The following PHF14 variants were observed in gnomAD, a reference collection of about 807,000 sequenced individuals.
PHF14 encodes PHD finger protein 14.
In PHF14, 55 loss-of-function variants were observed where a neutral mutation model predicts 117.9. The observed-to-expected ratio is 0.47, with a 90% CI of 0.38 to 0.58. The LOEUF (loss-of-function observed/expected upper bound fraction) is 0.58, where lower values mean the gene tolerates loss of function less well. Among genes scored for constraint, PHF14 ranks in the 20% least tolerant of loss-of-function variants. PHF14 has a pLI of 0.00. For missense variants in PHF14, 978 were observed against 1,122.2 expected (o/e 0.87, Z 1.84); for synonymous variants, 409 against 368.6 (o/e 1.11, Z -1.26).
chr7:10,997,798 T>C (rs1782712971), intron 4 of PHF14, among the ~76,000 whole-genome samples: 1 of 152,184 alleles, frequency 6.6e-6, no homozygotes, highest in African/African-American at 2.4e-5. Context: ...GAGTAAGTGA[T>C]CAAAGAGAGA....
intron 17 of PHF14, among the ~76,000 whole-genome samples, chr7:11,151,351 T>A (rs889587511): frequency 6.6e-6 from 1 of 151,778 alleles, no homozygotes; most frequent in South Asian, 2.1e-4. Flanking sequence ...AGGCCAGGAG[T>A]TTGAGACCAG....
intron 14 of PHF14, among the ~76,000 whole-genome samples, chr7:11,053,446 T>C (rs1485078465): frequency 1.3e-5 from 2 of 152,080 alleles, no homozygotes; most frequent in South Asian, 4.1e-4. Context: ...ATAAGGGAAC[T>C]AGAGAGACTT....
At chr7:11,006,174 C>G (rs1346243921) in intron 4 of PHF14, among the ~76,000 whole-genome samples, 1 of 152,162 alleles carries the variant, frequency 6.6e-6, no homozygotes, top group Non-Finnish European at 1.5e-5. Context: ...AATGCACAAA[C>G]TACTTGATAA....
chr7:11,050,348 GA>G (rs1283412557), intron 13 of PHF14, among the ~76,000 whole-genome samples: 1 of 152,056 alleles, frequency 6.6e-6, no homozygotes, highest in African/African-American at 2.4e-5. Flanking sequence ...TTTATTAAGA[GA>G]ATACTATCAA....
At chr7:10,991,116 G>A (rs1583336523) in intron 4 of PHF14, among the ~76,000 whole-genome samples, 2 of 151,094 alleles carry the variant, frequency 1.3e-5, no homozygotes, top group African/African-American at 4.9e-5. Flanking sequence ...TCAGCCTCCT[G>A]GGTAGCTGGG....
At chr7:11,028,950 C>A in intron 7 of PHF14, 132 bp downstream of exon 7, 4 of 741,860 alleles carry the variant, frequency 5.4e-6, no homozygotes, top group Non-Finnish European at 6.2e-6. Flanking sequence ...GATCACTGTT[C>A]TAAAACTTTA....
At chr7:11,081,306 C>T (rs1212711427) in intron 16 of PHF14, among the ~76,000 whole-genome samples, 1 of 152,148 alleles carries the variant, frequency 6.6e-6, no homozygotes, top group African/African-American at 2.4e-5. Flanking sequence ...TGTAAAGTAA[C>T]AGCACTTGGA....
At chr7:11,075,537 T>C (rs540225346) in intron 16 of PHF14, among the ~76,000 whole-genome samples, 1 of 146,822 alleles carries the variant, frequency 6.8e-6, no homozygotes, top group African/African-American at 2.5e-5. Context: ...TAACAAGAAC[T>C]CACTCATTCC....
At chr7:11,165,383 T>C (rs1225816339) in intron 17 of PHF14, among the ~76,000 whole-genome samples, 1 of 152,172 alleles carries the variant, frequency 6.6e-6, no homozygotes, top group African/African-American at 2.4e-5. Flanking sequence ...ATATATATTA[T>C]TGGTGATATT....
At chr7:11,102,406 A>C (rs1352493452) in intron 16 of PHF14, 1 of 1,489,030 alleles carries the variant, frequency 6.7e-7, no homozygotes, top group African/African-American at 1.4e-5. Flanking sequence ...GTGGTTTGTT[A>C]GTATGTTTCA....
At chr7:11,139,787 A>C (rs1291717978) in intron 17 of PHF14, among the ~76,000 whole-genome samples, 1 of 152,196 alleles carries the variant, frequency 6.6e-6, no homozygotes, top group Admixed American at 6.5e-5. Context: ...TACAAAAAGT[A>C]AAAAGGTAAA....
intron 3 of PHF14, among the ~76,000 whole-genome samples, chr7:10,989,629 T>A (rs1412436759): frequency 6.6e-6 from 1 of 152,170 alleles, no homozygotes; most frequent in East Asian, 1.9e-4. Context: ...TTAATACGTC[T>A]TCCTATACTT....
intron 17 of PHF14, among the ~76,000 whole-genome samples, chr7:11,165,935 T>C (rs1208066731): frequency 6.6e-6 from 1 of 152,206 alleles, no homozygotes; most frequent in African/African-American, 2.4e-5. Context: ...CAGCCCATTA[T>C]TAAATGGTCC....
intron 14 of PHF14, among the ~76,000 whole-genome samples, chr7:11,055,704 A>G (rs1784993522): frequency 6.6e-6 from 1 of 152,164 alleles, no homozygotes; most frequent in African/African-American, 2.4e-5. Flanking sequence ...TTTGAGAGAT[A>G]ATCAAATATC....
At chr7:11,047,108 A>T (rs1256496940) in intron 13 of PHF14, among the ~76,000 whole-genome samples, 2 of 149,854 alleles carry the variant, frequency 1.3e-5, no homozygotes, top group African/African-American at 2.5e-5. Flanking sequence ...TCGCTCTGTC[A>T]CCCAGGCTGG....
intron 13 of PHF14, among the ~76,000 whole-genome samples, chr7:11,046,885 G>A (rs1211175863): frequency 2.0e-5 from 3 of 151,984 alleles, no homozygotes; most frequent in Non-Finnish European, 4.4e-5. Context: ...AAACTCTGGT[G>A]TGGGATCCTG....
chr7:11,131,533 T>C (rs1314167576), intron 17 of PHF14, among the ~76,000 whole-genome samples: 1 of 151,956 alleles, frequency 6.6e-6, no homozygotes, highest in Non-Finnish European at 1.5e-5. Flanking sequence ...GTTATTTGTA[T>C]ATTTTGAATG....
chr7:11,115,004 T>C (rs776824464), intron 17 of PHF14, among the ~76,000 whole-genome samples: 2 of 152,074 alleles, frequency 1.3e-5, no homozygotes, highest in Non-Finnish European at 2.9e-5. Context: ...TTTTCTTCTT[T>C]CTTAACCTCA....
At chr7:11,147,233 CAAGA>C (rs1788573070) in intron 17 of PHF14, among the ~76,000 whole-genome samples, 2 of 152,106 alleles carry the variant, frequency 1.3e-5, no homozygotes, top group African/African-American at 4.8e-5. Flanking sequence ...TTTTATGCTG[CAAGA>C]AAGGTTTCAT....
Sources: gnomAD v4.1 joint callset for allele counts (sites outside exome capture counted in the v4.1 genomes callset) on GRCh38, gnomAD v4.1.1 for gene constraint, MANE v1.5 for transcripts, NCBI Gene and HGNC (gene_info 2026-07-23, HGNC 2026-07-21) for gene names.